The following FBRSL1 variants were observed in gnomAD, a reference collection of about 807,000 sequenced individuals.
The protein encoded by FBRSL1 is fibrosin like 1.
Under a neutral mutation model 89.6 loss-of-function variants are expected in FBRSL1, and 51 were observed. That is an observed-to-expected ratio of 0.57 (90% confidence interval 0.45 to 0.72). The LOEUF is 0.72. Ranked by LOEUF, FBRSL1 falls within the 30% of genes least tolerant of loss-of-function variation. The pLI is 0.00. For synonymous variants in FBRSL1, 779 were observed against 681.1 expected, an observed-to-expected ratio of 1.14 and a Z score of -2.24; for missense variants, 1,618 against 1,451.8, an observed-to-expected ratio of 1.11 and a Z score of -1.86.
At chr12:132,515,542 A>AAC (rs1720170252) in intron 2 of FBRSL1, among the ~76,000 whole-genome samples, 1 of 152,038 alleles carries the variant, frequency 6.6e-6, no homozygotes, top group South Asian at 2.1e-4. Flanking sequence ...AAAAAAAAAA[A>AAC]AAATGGAAGG....
chr12:132,561,027 T>C (rs571375879), intron 5 of FBRSL1, among the ~76,000 whole-genome samples: 1 of 152,080 alleles, frequency 6.6e-6, no homozygotes, highest in Non-Finnish European at 1.5e-5. Context: ...CTGTGTGTGG[T>C]CTAGGAAGGG....
intron 6 of FBRSL1, among the ~76,000 whole-genome samples, chr12:132,569,562 T>G (rs2137849308): frequency 6.6e-6 from 1 of 152,258 alleles, no homozygotes; most frequent in African/African-American, 2.4e-5. Flanking sequence ...TTGGGCCAAG[T>G]CCTTGATGTA....
intron 5 of FBRSL1, among the ~76,000 whole-genome samples, chr12:132,567,077 G>A (rs1593532743): frequency 6.6e-6 from 1 of 152,200 alleles, no homozygotes; most frequent in African/African-American, 2.4e-5. Flanking sequence ...TCCATCATCC[G>A]CCTCTGGCCT....
At chr12:132,580,219 C>G (rs2040651397) in intron 15 of FBRSL1, among the ~76,000 whole-genome samples, 1 of 152,202 alleles carries the variant, frequency 6.6e-6, no homozygotes, top group African/African-American at 2.4e-5. Flanking sequence ...TCCCAAGTGG[C>G]TGGGACTACA....
intron 4 of FBRSL1, among the ~76,000 whole-genome samples, chr12:132,529,750 C>CTGCCACCCTGGGCTCTTCTT (rs1265800779): frequency 2.1e-4 from 32 of 152,134 alleles, no homozygotes; most frequent in African/African-American, 7.5e-4. Context: ...GGGCTCTTCT[C>CTGCCACCCTGGGCTCTTCTT]TGCCACCCTG....
At chr12:132,528,023 C>G (rs1336753505) in intron 4 of FBRSL1, 35 bp downstream of exon 4, 3 of 1,547,502 alleles carry the variant, frequency 1.9e-6, no homozygotes, top group South Asian at 1.2e-5. Flanking sequence ...CATCTTTGTC[C>G]CCCTGGGGCC....
At chr12:132,575,819 C>T (rs2040348939) in intron 14 of FBRSL1, among the ~76,000 whole-genome samples, 2 of 152,404 alleles carry the variant, frequency 1.3e-5, no homozygotes, top group South Asian at 4.1e-4. Flanking sequence ...CACCCCAGTG[C>T]CAGAGCACAC....
chr12:132,510,346 T>G (rs2034193956), intron 2 of FBRSL1: 1 of 1,231,464 alleles, frequency 8.1e-7, no homozygotes, highest in Non-Finnish European at 1.0e-6. Context: ...CTCTCGCTCC[T>G]GGCCCTGGGC....
intron 1 of FBRSL1, among the ~76,000 whole-genome samples, chr12:132,505,471 C>T (rs2033568498): frequency 6.6e-6 from 1 of 152,226 alleles, no homozygotes. Flanking sequence ...CCGGCCCCAC[C>T]CCCACCCGTG....
chr12:132,547,005 T>TG (rs2037743510), intron 4 of FBRSL1, among the ~76,000 whole-genome samples: 1 of 152,192 alleles, frequency 6.6e-6, no homozygotes, highest in Non-Finnish European at 1.5e-5. Flanking sequence ...CTCCGTGCAC[T>TG]GGGGGGTTTA....
intron 2 of FBRSL1, among the ~76,000 whole-genome samples, chr12:132,522,673 G>T (rs145907082): frequency 6.6e-6 from 1 of 152,124 alleles, no homozygotes; most frequent in Non-Finnish European, 1.5e-5. Context: ...CCTGCTGCAC[G>T]CCCCACCTGC....
At position 132,536,442 on chromosome 12, in the gene FBRSL1, CTG is replaced by C. The variant is rs552030903; in HGVS notation, c.615+8457_615+8458del. On this transcript the variant is annotated intron_variant, in intron 4 of 18. Transcript: ENST00000680143. ...TGGTGTGTGTGCCATGTGTACATGA[CTG>C]TGAGTGCATGTGTATATGACAGTGT... Among the ~76,000 whole-genome samples, 48 of 146,602 alleles carry C rather than the reference CTG, an allele frequency of 3.3e-4. No homozygotes were observed. The Middle Eastern group carries it at 0.014, about 42-fold the overall frequency.
intron 9 of FBRSL1, 71 bp downstream of exon 9, chr12:132,571,302 T>C: frequency 5.2e-6 from 8 of 1,528,454 alleles, no homozygotes; most frequent in Non-Finnish European, 6.2e-6. Context: ...CTTTTTCTCT[T>C]GTAGATCACG....
At chr12:132,556,857 C>G (rs2038716664) in intron 5 of FBRSL1, among the ~76,000 whole-genome samples, 1 of 103,572 alleles carries the variant, frequency 9.7e-6, no homozygotes, top group Non-Finnish European at 2.3e-5. Context: ...CCTTGTGCTG[C>G]CCCCCAAACC....
At chr12:132,505,264 G>A (rs560820232) in intron 1 of FBRSL1, among the ~76,000 whole-genome samples, 2 of 152,332 alleles carry the variant, frequency 1.3e-5, no homozygotes, top group South Asian at 4.1e-4. Flanking sequence ...CCCACCCGGA[G>A]CTCATGTCAC....
chr12:132,531,608 T>C (rs2036291525), intron 4 of FBRSL1, among the ~76,000 whole-genome samples: 1 of 152,186 alleles, frequency 6.6e-6, no homozygotes, highest in African/African-American at 2.4e-5. Flanking sequence ...GTTTGCATGC[T>C]GTGCATGTGG....
chr12:132,516,262 G>A (rs191942550), intron 2 of FBRSL1, among the ~76,000 whole-genome samples: 4 of 151,124 alleles, frequency 2.6e-5, no homozygotes, highest in Non-Finnish European at 2.9e-5. Flanking sequence ...ACAATGTTGC[G>A]CAAGCTCTGC....
rs780686273 is a variant in FBRSL1 at position 132,581,498 on chromosome 12, C to G, written c.1894C>G (p.Pro632Ala). The G allele has an allele frequency of 6.4e-6, 10 of 1,550,980 alleles. No individual in the cohort carries two copies. Among genetic ancestry groups the G allele is most frequent in the Non-Finnish European group, 8.7e-7 (1 of 1,146,940 alleles). The change falls in exon 16 of 19, where the codon CCC (proline) becomes GCC (alanine). Residue 632 changes from proline (P) to alanine (A), a missense_variant. Physicochemically the swap from Pro to Ala is conservative, Grantham distance 27. Transcript: ENST00000680143. ...GPSAHPGSFL[P>A]TGPLTDPFSR... ...CTCAGCCCATCCTGGCAGCTTCCTG[C>G]CCACTGGCCCCCTGACAGGTGGGTG...
rs1411310883 is a variant in FBRSL1 at position 132,583,026 on chromosome 12, G to A, written c.2257G>A (p.Gly753Ser). ...CCGGGCCTCGCCCGCCACCCCCGCT[G>A]GCCACCCCGTCAGCGGCCTCCTGCT... is the stretch of plus-strand genomic sequence containing the variant. ...LSRASPATPA[G>S]HPVSGLLLRA... The change falls in exon 19 of 19, where the codon GGC becomes AGC. Residue 753 changes from glycine (G) to serine (S), a missense_variant. Gly to Ser is a moderately conservative substitution (Grantham distance 56). Coordinates refer to ENST00000680143, the MANE Select transcript of FBRSL1 (RefSeq NM_001367871.1). The A allele has an allele frequency of 4.8e-6, 7 of 1,456,926 alleles. No individual in the cohort carries two copies. Among genetic ancestry groups the A allele is most frequent in the African/African-American group, 4.5e-5 (3 of 66,890 alleles). 90.2% of individuals were successfully genotyped at this position (1,456,926 alleles called of 1,614,324 possible). A position where few individuals can be genotyped will look rare whatever the true frequency, so the allele number is the denominator to read the frequency against.
Sources: allele counts gnomAD v4.1 joint callset (sites outside exome capture counted in the v4.1 genomes callset), GRCh38; gene constraint gnomAD v4.1.1; transcripts MANE v1.5; gene names NCBI Gene and HGNC (gene_info 2026-07-23, HGNC 2026-07-21).